Variants in KIAA1549 observed in about 807,000 individuals in gnomAD.
The protein encoded by KIAA1549 is UPF0606 protein KIAA1549.
A neutral mutation model predicts 156.4 loss-of-function variants in KIAA1549; 70 were observed. The ratio of observed to expected loss-of-function variants is 0.45; its 90% CI spans 0.37 to 0.55. KIAA1549 has a LOEUF of 0.55. Among genes scored for constraint, KIAA1549 ranks in the 20% least tolerant of loss-of-function variants. The pLI is 0.00. For synonymous variants in KIAA1549, 1,103 were observed against 1,066.4 expected (o/e 1.03, Z -0.67); for missense variants, 2,428 against 2,540.9 (o/e 0.96, Z 0.96).
intron 10 of KIAA1549, among the ~76,000 whole-genome samples, chr7:138,884,943 C>T (rs1267574973): frequency 6.6e-6 from 1 of 152,244 alleles, no homozygotes; most frequent in Non-Finnish European, 1.5e-5. Context: ...CGCCTGTAAT[C>T]CCAACACTTT....
intron 1 of KIAA1549, among the ~76,000 whole-genome samples, chr7:138,959,510 A>G (rs1813775589): frequency 6.6e-6 from 1 of 152,252 alleles, no homozygotes; most frequent in Non-Finnish European, 1.5e-5. Flanking sequence ...GCCTGCAATT[A>G]ACCTAACGCG....
rs550405952 is a variant in KIAA1549, at chr7:138,958,248, G to C, written c.187+22835C>G. Among the ~76,000 whole-genome samples the C allele has an allele frequency of 9.6e-3, 1,172 of 121,850 alleles. 17 individuals are homozygous for C. Among genetic ancestry groups the C allele is most frequent in the African/African-American group, 0.05 (1,097 of 21,988 alleles). 79.9% of individuals were successfully genotyped at this position (121,850 alleles called of 152,430 possible). On this transcript the variant is annotated intron_variant, in intron 1 of 19. Transcript: ENST00000422774. ...TGGCGCCCACGCCCACCCCAGTCTT[G>C]CCTTGGGGAACACTCCTTCCACCAT...
intron 11 of KIAA1549, among the ~76,000 whole-genome samples, chr7:138,880,570 T>A (rs1324127534): frequency 6.6e-6 from 1 of 152,228 alleles, no homozygotes; most frequent in Non-Finnish European, 1.5e-5. Context: ...CACTTTTTTT[T>A]GCTCTTAGCA....
intron 10 of KIAA1549, among the ~76,000 whole-genome samples, chr7:138,893,932 G>T (rs1393627126): frequency 2.0e-5 from 3 of 152,330 alleles, no homozygotes; most frequent in Non-Finnish European, 4.4e-5. Flanking sequence ...CTGGCCAGGT[G>T]TGGTGGCACA....
At chr7:138,906,570 A>G (rs1321591801) in intron 6 of KIAA1549, among the ~76,000 whole-genome samples, 1 of 152,208 alleles carries the variant, frequency 6.6e-6, no homozygotes, top group Non-Finnish European at 1.5e-5. Flanking sequence ...AAAACCAAAC[A>G]TCGTATGTTC....
At chr7:138,965,842 G>A (rs987047096) in intron 1 of KIAA1549, among the ~76,000 whole-genome samples, 1 of 152,114 alleles carries the variant, frequency 6.6e-6, no homozygotes, top group African/African-American at 2.4e-5. Flanking sequence ...CAATGTGCAA[G>A]AAATTTTACA....
At chr7:138,883,741 C>T (rs1305203202) in intron 10 of KIAA1549, among the ~76,000 whole-genome samples, 2 of 152,202 alleles carry the variant, frequency 1.3e-5, no homozygotes, top group Non-Finnish European at 2.9e-5. Flanking sequence ...AACTGCACAG[C>T]AATGGTCGTC....
intron 16 of KIAA1549, among the ~76,000 whole-genome samples, chr7:138,855,747 A>G (rs1810368239): frequency 6.6e-6 from 1 of 152,194 alleles, no homozygotes; most frequent in Non-Finnish European, 1.5e-5. Context: ...CCTGAAGGCT[A>G]AGAAATAATT....
intron 14 of KIAA1549, 143 bp from the exon 15 acceptor site, chr7:138,868,271 A>G (rs1810814000): frequency 1.3e-6 from 1 of 774,448 alleles, no homozygotes; most frequent in Admixed American, 2.3e-5. Context: ...TGTACGAGAC[A>G]GTCTCTGCTC....
At chr7:138,846,872 T>G (rs1357801073) in intron 17 of KIAA1549, among the ~76,000 whole-genome samples, 1 of 152,246 alleles carries the variant, frequency 6.6e-6, no homozygotes, top group Non-Finnish European at 1.5e-5. Flanking sequence ...TATTCTCCAG[T>G]GTTATTTCTA....
chr7:138,891,742 G>A (rs1232919367), intron 10 of KIAA1549, among the ~76,000 whole-genome samples: 1 of 152,116 alleles, frequency 6.6e-6, no homozygotes, highest in East Asian at 1.9e-4. Context: ...ATCAGGAGGT[G>A]GGGAGAGCAG....
chr7:138,969,715 C>T (rs1209918619), intron 1 of KIAA1549, among the ~76,000 whole-genome samples: 1 of 152,140 alleles, frequency 6.6e-6, no homozygotes, highest in Non-Finnish European at 1.5e-5. Context: ...GCCTCAGCCT[C>T]CCAAGTAGCT....
rs1162856467 is a variant in KIAA1549, at chr7:138,862,524, G to GA, written c.4930-1069dup. Among the ~76,000 whole-genome samples the GA allele has an allele frequency of 5.6e-3, 731 of 130,346 alleles. 6 individuals are homozygous for GA. Among genetic ancestry groups the GA allele is most frequent in the African/African-American group, 0.019 (684 of 35,730 alleles). The allele number at this position is 130,346 out of a possible 152,430, so 85.5% of individuals were successfully genotyped here. On this transcript the variant is annotated intron_variant, in intron 15 of 19. Transcript: ENST00000422774. ...CTCTTAAAAAAAAAAAAAAGAAAAA[G>GA]AAAAAAAAAAAGCCTACGTATGTGT...
At chr7:138,905,442 T>C (rs765113618) in intron 6 of KIAA1549, among the ~76,000 whole-genome samples, 10 of 152,216 alleles carry the variant, frequency 6.6e-5, no homozygotes, top group Non-Finnish European at 1.3e-4. Context: ...CCACATGCGT[T>C]GACCTGCCCA....
chr7:138,958,153 C>T (rs1230508098), intron 1 of KIAA1549, among the ~76,000 whole-genome samples: 3 of 152,162 alleles, frequency 2.0e-5, no homozygotes, highest in Non-Finnish European at 4.4e-5. Context: ...TGTGTGTATG[C>T]TGAGCATAAG....
chr7:138,939,705 T>C (rs368666134), intron 1 of KIAA1549, among the ~76,000 whole-genome samples: 17 of 152,182 alleles, frequency 1.1e-4, no homozygotes, highest in African/African-American at 4.1e-4. Flanking sequence ...ATACTAAAAT[T>C]TATCAAGGGC....
At chr7:138,965,589 T>C (rs769157182) in intron 1 of KIAA1549, among the ~76,000 whole-genome samples, 4 of 152,098 alleles carry the variant, frequency 2.6e-5, no homozygotes, top group Admixed American at 2.0e-4. Context: ...TCGAATAAAA[T>C]CATGGTGTGG....
chr7:138,855,116 G>C (rs118180748), intron 16 of KIAA1549, among the ~76,000 whole-genome samples: 2,735 of 152,164 alleles, frequency 0.018, 35 homozygotes, highest in Non-Finnish European at 0.024. Flanking sequence ...GGGGAGGGAG[G>C]GGGAATCAGG....
chr7:138,914,473 C>T (rs949345047), intron 2 of KIAA1549, among the ~76,000 whole-genome samples: 12 of 152,170 alleles, frequency 7.9e-5, no homozygotes, highest in African/African-American at 2.9e-4. Context: ...CCTCCGCCAT[C>T]GCAGACCCCC....
Sources: allele counts gnomAD v4.1 joint callset (sites outside exome capture counted in the v4.1 genomes callset), GRCh38; gene constraint gnomAD v4.1.1; transcripts MANE v1.5; gene names NCBI Gene and HGNC (gene_info 2026-07-23, HGNC 2026-07-21).